The following PTPRD variants were observed in gnomAD, a reference collection of about 807,000 sequenced individuals.
The protein encoded by PTPRD is protein tyrosine phosphatase receptor type D.
Under a neutral mutation model 214.5 loss-of-function variants are expected in PTPRD, and 34 were observed. That is an observed-to-expected ratio of 0.16 (90% CI 0.12 to 0.21). The LOEUF is 0.21. PTPRD is among the 10% of genes least tolerant of loss of function. PTPRD has a pLI of 1.00. For missense variants in PTPRD, 2,545 were observed against 2,398.7 expected (o/e 1.06, Z -1.27); for synonymous variants, 1,128 against 845.7 (o/e 1.33, Z -5.79).
intron 10 of PTPRD, among the ~76,000 whole-genome samples, chr9:9,155,546 T>A (rs944468242): frequency 1.3e-5 from 2 of 152,144 alleles, no homozygotes; most frequent in South Asian, 4.1e-4. Context: ...ATAATCAACA[T>A]TGCTTATTAG....
chr9:8,781,710 G>A (rs1394688250), intron 11 of PTPRD, among the ~76,000 whole-genome samples: 1 of 152,212 alleles, frequency 6.6e-6, no homozygotes, highest in African/African-American at 2.4e-5. Context: ...TAATCAGACT[G>A]TGCAGGGGAT....
chr9:9,204,966 A>T (rs2099943972), intron 9 of PTPRD, among the ~76,000 whole-genome samples: 1 of 152,190 alleles, frequency 6.6e-6, no homozygotes, highest in East Asian at 1.9e-4. Flanking sequence ...ATTAAAGAAA[A>T]GGTGAAGTGT....
intron 11 of PTPRD, among the ~76,000 whole-genome samples, chr9:8,760,397 A>G (rs1171282899): frequency 6.6e-6 from 1 of 152,090 alleles, no homozygotes; most frequent in Non-Finnish European, 1.5e-5. Flanking sequence ...TTTGCTGCTA[A>G]TCTCTATTTT....
At chr9:10,334,983 G>C (rs1320386529) in intron 3 of PTPRD, among the ~76,000 whole-genome samples, 1 of 151,666 alleles carries the variant, frequency 6.6e-6, no homozygotes, top group African/African-American at 2.4e-5. Flanking sequence ...TCAAGAACAA[G>C]AAGACTCAAT....
intron 14 of PTPRD, among the ~76,000 whole-genome samples, chr9:8,575,474 T>C (rs1345892187): frequency 6.6e-6 from 1 of 152,148 alleles, no homozygotes. Flanking sequence ...CCTGTTGCTG[T>C]CTTAATTCTT....
intron 5 of PTPRD, among the ~76,000 whole-genome samples, chr9:9,865,079 A>G (rs1353164148): frequency 6.6e-6 from 1 of 152,182 alleles, no homozygotes; most frequent in African/African-American, 2.4e-5. Context: ...TTTCCTCTAC[A>G]AATTGCAAAT....
At chr9:9,088,315 C>G (rs911637936) in intron 10 of PTPRD, among the ~76,000 whole-genome samples, 1 of 150,252 alleles carries the variant, frequency 6.7e-6, no homozygotes, top group Admixed American at 6.6e-5. Flanking sequence ...GGGCCGGGTG[C>G]GGTGGCTCAC....
At chr9:8,557,449 T>TACACACACAC (rs1047249445) in intron 14 of PTPRD, among the ~76,000 whole-genome samples, 1 of 135,548 alleles carries the variant, frequency 7.4e-6, no homozygotes, top group African/African-American at 3.5e-5. Flanking sequence ...TATATATATA[T>TACACACACAC]ATATATATTT....
rs1405584326 is a variant in PTPRD at position 9,950,592 on chromosome 9, T to C, written c.-471-11982A>G. 1.1e-3 allele frequency among the ~76,000 whole-genome samples: 91 copies of C among 79,838 alleles called. 17 individuals carry two copies. Among genetic ancestry groups the C allele is most frequent in the Non-Finnish European group, 1.5e-3 (75 of 50,114 alleles). 52.4% of individuals were successfully genotyped at this position (79,838 alleles called of 152,430 possible). ...ACAAAAAATTAGCCGGGCGAGGTGGTGGACGCCTGTAGTCCCAGCTACTTG... is the reference window on the plus strand; with the variant it reads ...ACAAAAAATTAGCCGGGCGAGGTGGCGGACGCCTGTAGTCCCAGCTACTTG... On this transcript the variant is annotated intron_variant, in intron 4 of 45. Coordinates refer to ENST00000381196, the MANE Select transcript of PTPRD (RefSeq NM_002839.4).
chr9:9,758,257 T>C (rs1343613990), intron 6 of PTPRD, among the ~76,000 whole-genome samples: 2 of 151,992 alleles, frequency 1.3e-5, no homozygotes, highest in Admixed American at 6.6e-5. Context: ...AATGTAGCTC[T>C]CTTACTTCCA....
intron 5 of PTPRD, among the ~76,000 whole-genome samples, chr9:9,827,464 C>G (rs1350899261): frequency 1.3e-5 from 2 of 152,102 alleles, no homozygotes; most frequent in Admixed American, 1.3e-4. Flanking sequence ...ATGTAGAAAG[C>G]TGAAACTGGA....
intron 10 of PTPRD, among the ~76,000 whole-genome samples, chr9:9,068,778 A>AT (rs2099739332): frequency 6.6e-6 from 1 of 151,750 alleles, no homozygotes; most frequent in African/African-American, 2.4e-5. Context: ...TACCTAGCTA[A>AT]TTTTTGTATT....
chr9:10,538,576 C>A (rs999838927), intron 2 of PTPRD, among the ~76,000 whole-genome samples: 13 of 152,054 alleles, frequency 8.5e-5, no homozygotes, highest in African/African-American at 3.1e-4. Flanking sequence ...GATTGGTTTT[C>A]TGACTGTGCT....
At chr9:9,844,927 A>T (rs1004347714) in intron 5 of PTPRD, among the ~76,000 whole-genome samples, 1 of 151,220 alleles carries the variant, frequency 6.6e-6, no homozygotes, top group South Asian at 2.1e-4. Context: ...TAACACAGAC[A>T]TTGTGTTATA....
rs12336641 is a variant in PTPRD at position 8,766,843 on chromosome 9, G to C, written c.-103-32897C>G. Reference sequence around the variant, plus strand: ...TATTTAGAAGTTTCGTGATGTGTTTGTGACCAGACATATGCCATAGGAACT... The same window carrying C: ...TATTTAGAAGTTTCGTGATGTGTTTCTGACCAGACATATGCCATAGGAACT... On this transcript the variant is annotated intron_variant, in intron 11 of 45. Transcript: ENST00000381196. 3.1e-3 allele frequency among the ~76,000 whole-genome samples: 468 copies of C among 152,246 alleles called. 1 individual carries two copies. The highest frequency in any genetic ancestry group is 0.011 in the African/African-American group (455 of 41,546).
intron 9 of PTPRD, among the ~76,000 whole-genome samples, chr9:9,248,916 G>C (rs2099974209): frequency 6.6e-6 from 1 of 152,072 alleles, no homozygotes; most frequent in Non-Finnish European, 1.5e-5. Context: ...CTCAGTACTA[G>C]CTGGTAAAGT....
At chr9:10,103,995 G>A (rs964402560) in intron 3 of PTPRD, among the ~76,000 whole-genome samples, 5 of 151,666 alleles carry the variant, frequency 3.3e-5, no homozygotes, top group African/African-American at 1.2e-4. Flanking sequence ...TAGAAAGGAA[G>A]GACATTCTGA....
At chr9:9,868,108 GC>G (rs2153705582) in intron 5 of PTPRD, among the ~76,000 whole-genome samples, 1 of 152,252 alleles carries the variant, frequency 6.6e-6, no homozygotes, top group South Asian at 2.1e-4. Flanking sequence ...AGACCACTAT[GC>G]TTTTGGCAGT....
At chr9:8,906,677 T>A (rs2098710091) in intron 11 of PTPRD, among the ~76,000 whole-genome samples, 1 of 152,098 alleles carries the variant, frequency 6.6e-6, no homozygotes, top group Non-Finnish European at 1.5e-5. Flanking sequence ...CTCCCATTTG[T>A]CCCTGCTCCC....
Sources: allele counts gnomAD v4.1 joint callset (sites outside exome capture counted in the v4.1 genomes callset), GRCh38; gene constraint gnomAD v4.1.1; transcripts MANE v1.5; gene names NCBI Gene and HGNC (gene_info 2026-07-23, HGNC 2026-07-21).